Variants in RASAL2 observed in about 807,000 individuals in gnomAD.
RASAL2 encodes RAS protein activator like 2.
Under a neutral mutation model 128.9 loss-of-function variants are expected in RASAL2, and 58 were observed. That is an observed-to-expected ratio of 0.45 (90% CI 0.36 to 0.56). The LOEUF is 0.56. Among genes scored for constraint, RASAL2 ranks in the 20% least tolerant of loss-of-function variants. RASAL2 has a pLI of 0.00. For synonymous variants in RASAL2, 561 were observed against 580.8 expected (o/e 0.97, Z 0.49); for missense variants, 1,360 against 1,601.6 (o/e 0.85, Z 2.57).
At chr1:178,154,272 A>G (rs1661007957) in intron 1 of RASAL2, among the ~76,000 whole-genome samples, 1 of 151,778 alleles carries the variant, frequency 6.6e-6, no homozygotes, top group Non-Finnish European at 1.5e-5. Flanking sequence ...TCAGCCTTCT[A>G]AGTAGCTGGG....
intron 1 of RASAL2, among the ~76,000 whole-genome samples, chr1:178,155,537 T>A (rs1430372412): frequency 6.6e-6 from 1 of 151,776 alleles, no homozygotes; most frequent in Non-Finnish European, 1.5e-5. Flanking sequence ...TTAAAAAAAA[T>A]CTGTTACTGT....
At chr1:178,143,294 A>G (rs1050106207) in intron 1 of RASAL2, among the ~76,000 whole-genome samples, 12 of 152,006 alleles carry the variant, frequency 7.9e-5, no homozygotes, top group African/African-American at 1.7e-4. Flanking sequence ...TTGGAGGGCC[A>G]TAAACCATTT....
chr1:178,463,519 A>G (rs1013863918), intron 14 of RASAL2, among the ~76,000 whole-genome samples: 2 of 152,142 alleles, frequency 1.3e-5, no homozygotes, highest in Non-Finnish European at 2.9e-5. Flanking sequence ...TGGTATGTCT[A>G]TTCAGTAGAT....
At chr1:178,183,101 G>A (rs373394910) in intron 1 of RASAL2, among the ~76,000 whole-genome samples, 12 of 152,220 alleles carry the variant, frequency 7.9e-5, no homozygotes, top group South Asian at 4.2e-4. Flanking sequence ...GCCCTAACAG[G>A]CCATGGACTG....
intron 5 of RASAL2, among the ~76,000 whole-genome samples, chr1:178,423,266 G>T (rs1456253467): frequency 6.6e-6 from 1 of 151,956 alleles, no homozygotes; most frequent in Admixed American, 6.6e-5. Context: ...GAACATTTTT[G>T]AACATGTGCC....
At chr1:178,315,946 C>G (rs1374287567) in intron 3 of RASAL2, among the ~76,000 whole-genome samples, 5 of 29,018 alleles carry the variant, frequency 1.7e-4, no homozygotes, top group African/African-American at 9.0e-4. Flanking sequence ...AATCTTTAAT[C>G]CATCTTGAAT....
At chr1:178,171,090 C>T (rs922798938) in intron 1 of RASAL2, among the ~76,000 whole-genome samples, 7 of 151,922 alleles carry the variant, frequency 4.6e-5, no homozygotes, top group Non-Finnish European at 8.8e-5. Flanking sequence ...CACCATTCCA[C>T]GTGGGTTTTC....
intron 1 of RASAL2, among the ~76,000 whole-genome samples, chr1:178,231,776 T>C (rs1484299301): frequency 6.6e-6 from 1 of 152,220 alleles, no homozygotes; most frequent in African/African-American, 2.4e-5. Context: ...CTTGTGCAAA[T>C]TCACCATTCT....
chr1:178,246,424 T>G (rs1350206250), intron 1 of RASAL2, among the ~76,000 whole-genome samples: 2 of 152,206 alleles, frequency 1.3e-5, no homozygotes, highest in Non-Finnish European at 2.9e-5. Flanking sequence ...TTTTGTATCC[T>G]GAGAATTTGG....
intron 1 of RASAL2, among the ~76,000 whole-genome samples, chr1:178,223,528 C>G (rs183465468): frequency 2.0e-5 from 3 of 152,140 alleles, no homozygotes; most frequent in South Asian, 4.2e-4. Flanking sequence ...TATGAGGGAG[C>G]CTTACAAGGG....
At chr1:178,420,005 T>G (rs1233827603) in intron 4 of RASAL2, among the ~76,000 whole-genome samples, 3 of 152,226 alleles carry the variant, frequency 2.0e-5, no homozygotes, top group Non-Finnish European at 2.9e-5. Context: ...TTTACATATC[T>G]TAGAACAAAG....
chr1:178,224,871 T>C (rs34366178), intron 1 of RASAL2, among the ~76,000 whole-genome samples: 1,531 of 152,180 alleles, frequency 0.01, 10 homozygotes, highest in Non-Finnish European at 0.018. Context: ...GAAACTGATA[T>C]CCTATTTTAA....
intron 9 of RASAL2, among the ~76,000 whole-genome samples, chr1:178,446,319 A>G (rs1395378619): frequency 6.6e-6 from 1 of 152,108 alleles, no homozygotes; most frequent in Admixed American, 6.6e-5. Flanking sequence ...TATCCCCACT[A>G]CCTGCACACA....
At chr1:178,454,842 TTAATA>T (rs1387792817) in intron 12 of RASAL2, among the ~76,000 whole-genome samples, 194 bp downstream of exon 12, 1 of 152,148 alleles carries the variant, frequency 6.6e-6, no homozygotes, top group African/African-American at 2.4e-5. Context: ...CATGACATTA[TTAATA>T]TATGTTTTTA....
chr1:178,111,159 G>A (rs1558058759), intron 1 of RASAL2, among the ~76,000 whole-genome samples: 2 of 152,148 alleles, frequency 1.3e-5, no homozygotes, highest in Admixed American at 1.3e-4. Flanking sequence ...TTCTACAATT[G>A]TTTGCCAGCT....
intron 17 of RASAL2, among the ~76,000 whole-genome samples, chr1:178,472,530 G>C (rs1005894180): frequency 6.6e-6 from 1 of 151,954 alleles, no homozygotes; most frequent in Non-Finnish European, 1.5e-5. Context: ...TCTTGCTGTT[G>C]CAACCTCACC....
chr1:178,135,794 TTACA>T (rs1391530851), intron 1 of RASAL2, among the ~76,000 whole-genome samples: 1 of 152,182 alleles, frequency 6.6e-6, no homozygotes, highest in Non-Finnish European at 1.5e-5. Context: ...AAGTCCCATC[TTACA>T]TGGATGGCAG....
At chr1:178,240,567 T>C (rs1345783452) in intron 1 of RASAL2, among the ~76,000 whole-genome samples, 2 of 151,986 alleles carry the variant, frequency 1.3e-5, no homozygotes, top group Non-Finnish European at 2.9e-5. Context: ...CTTTAAATTA[T>C]TTAAAGCAAG....
chr1:178,392,232 A>C (rs1234186706), intron 4 of RASAL2, among the ~76,000 whole-genome samples: 4 of 152,218 alleles, frequency 2.6e-5, no homozygotes, highest in African/African-American at 9.6e-5. Flanking sequence ...TTAACAACAC[A>C]ATGTGTAAGT....
Sources: allele counts gnomAD v4.1 joint callset (sites outside exome capture counted in the v4.1 genomes callset), GRCh38; gene constraint gnomAD v4.1.1; transcripts MANE v1.5; gene names NCBI Gene and HGNC (gene_info 2026-07-23, HGNC 2026-07-21).